CMYA5: variants seen among roughly 807,000 people sequenced by gnomAD.
CMYA5 encodes the protein cardiomyopathy-associated protein 5.
CMYA5 carries 246 observed loss-of-function variants against 318.9 expected under a neutral mutation model. The observed-to-expected ratio is 0.77, with a 90% CI of 0.70 to 0.86. CMYA5 has a LOEUF of 0.86. Among genes scored for constraint, CMYA5 ranks in the 40% least tolerant of loss-of-function variants. CMYA5 has a pLI of 0.00. For missense variants in CMYA5, 4,589 were observed against 4,678.2 expected, an observed-to-expected ratio of 0.98 and a Z score of 0.56; for synonymous variants, 1,641 against 1,729.5, an observed-to-expected ratio of 0.95 and a Z score of 1.27.
chr5:79,741,058 T>G (rs1828198966), intron 2 of CMYA5, among the ~76,000 whole-genome samples: 1 of 152,156 alleles, frequency 6.6e-6, no homozygotes, highest in African/African-American at 2.4e-5. Flanking sequence ...TAATTTTTTT[T>G]GTACAGACAG....
At chr5:79,777,610 T>TA (rs1370330505) in intron 9 of CMYA5, among the ~76,000 whole-genome samples, 3 of 150,078 alleles carry the variant, frequency 2.0e-5, no homozygotes, top group African/African-American at 2.5e-5. Context: ...CATCTCTACT[T>TA]AAAAAAATAC....
At chr5:79,720,267 A>C (rs6453476) in intron 1 of CMYA5, among the ~76,000 whole-genome samples, 68,674 of 151,790 alleles carry the variant, frequency 0.45, 16,600 homozygotes, top group African/African-American at 0.62. Context: ...CCACCAAATC[A>C]CAAAAACAGC....
rs564365646 is a variant in CMYA5 at position 79,791,488 on chromosome 5, AG to A, written c.11789+421del. Among the ~76,000 whole-genome samples, 394 of 152,238 alleles carry A rather than the reference AG, an allele frequency of 2.6e-3. 3 individuals carry two copies. The highest frequency in any genetic ancestry group is 3.8e-3 in the Non-Finnish European group (260 of 68,016). On this transcript the variant is annotated intron_variant, in intron 11 of 12. Coordinates refer to ENST00000446378, the MANE Select transcript of CMYA5 (RefSeq NM_153610.5). Reference sequence around the variant, plus strand: ...GTAATCCCAGCACTTTGGGAGGCCAAGGCAGGCAGATCATTTGAGTTCAGGA... The same window carrying A: ...GTAATCCCAGCACTTTGGGAGGCCAAGCAGGCAGATCATTTGAGTTCAGGA...
intron 1 of CMYA5, among the ~76,000 whole-genome samples, chr5:79,690,315 T>A (rs938577126): frequency 2.0e-5 from 3 of 152,196 alleles, no homozygotes; most frequent in African/African-American, 7.2e-5. Context: ...CCTGAGGATT[T>A]ACTTAGGTCC....
intron 2 of CMYA5, among the ~76,000 whole-genome samples, chr5:79,741,221 C>T (rs1828201699): frequency 6.6e-6 from 1 of 152,124 alleles, no homozygotes; most frequent in African/African-American, 2.4e-5. Context: ...TTTCTAACAG[C>T]TCTGTCACTG....
At chr5:79,745,564 G>A (rs1828306996) in intron 4 of CMYA5, 109 bp downstream of exon 4, 3 of 751,232 alleles carry the variant, frequency 4.0e-6, no homozygotes, top group Non-Finnish European at 4.4e-6. Flanking sequence ...CTCTGTGTGG[G>A]ATTTATATAA....
At position 79,736,218 on chromosome 5, in the gene CMYA5, C is replaced by A. The variant is rs747839414; in HGVS notation, c.7453C>A (p.Leu2485Ile). 1 of 1,613,418 alleles carries A rather than the reference C, an allele frequency of 6.2e-7. No individual in the cohort carries two copies. Residue 2485 changes from leucine (L) to isoleucine (I), a missense_variant, in exon 2 of 13, where the codon CTT becomes ATT. Physicochemically the swap from Leu to Ile is conservative, Grantham distance 5. Transcript: ENST00000446378. ...ACAAAACTCTGTGGCCCCATTAGAG[C>A]TTAGAGATAGTAATGAAATAGGGAA... is the stretch of plus-strand genomic sequence containing the variant. ...EKQNSVAPLE[L>I]RDSNEIGKTQ...
At chr5:79,745,047 C>T (rs1828289173) in intron 3 of CMYA5, among the ~76,000 whole-genome samples, 175 bp from the exon 4 acceptor site, 1 of 151,776 alleles carries the variant, frequency 6.6e-6, no homozygotes, top group Non-Finnish European at 1.5e-5. Context: ...TATTGCAAAA[C>T]TAACTGTGGG....
At position 79,735,562 on chromosome 5, in the gene CMYA5, C is replaced by T; in HGVS notation, c.6797C>T (p.Ser2266Phe). ...SGDGQNVKEKSMILSNVEDLQ... is the reference protein window; with the variant it reads ...SGDGQNVKEKFMILSNVEDLQ... ...GACGGTCAAAACGTTAAAGAAAAATCCATGATTTTATCAAATGTAGAAGAT... is the reference window on the plus strand; with the variant it reads ...GACGGTCAAAACGTTAAAGAAAAATTCATGATTTTATCAAATGTAGAAGAT... The change falls in exon 2 of 13, where the codon TCC (serine) becomes TTC (phenylalanine). Residue 2266 changes from serine to phenylalanine, a missense_variant. Physicochemically the swap from Ser to Phe is radical, Grantham distance 155. Around this residue, in one of 3 missense-constraint regions of CMYA5, gnomAD observed 2,431 missense variants for 2,495.1 expected, o/e 0.97. Coordinates refer to ENST00000446378, the MANE Select transcript of CMYA5 (RefSeq NM_153610.5). The T allele has an allele frequency of 6.2e-7, 1 of 1,613,158 alleles. No individual in the cohort carries two copies. Among genetic ancestry groups the T allele is most frequent in the Non-Finnish European group, 8.5e-7 (1 of 1,179,676 alleles).
chr5:79,728,345 T>C (rs1387492493), intron 1 of CMYA5, among the ~76,000 whole-genome samples: 2 of 150,102 alleles, frequency 1.3e-5, no homozygotes, highest in Admixed American at 6.6e-5. Context: ...TCTGTGGATA[T>C]GAAGAATTTG....
At chr5:79,705,153 T>A (rs952519287) in intron 1 of CMYA5, among the ~76,000 whole-genome samples, 1 of 152,094 alleles carries the variant, frequency 6.6e-6, no homozygotes, top group African/African-American at 2.4e-5. Flanking sequence ...ACGCCTGTAG[T>A]CCCAGCTACT....
intron 11 of CMYA5, among the ~76,000 whole-genome samples, chr5:79,792,236 G>A (rs1317749354): frequency 6.6e-6 from 1 of 152,194 alleles, no homozygotes; most frequent in Non-Finnish European, 1.5e-5. Context: ...TCAAGCAGCA[G>A]CCCTGTCTTG....
Position 79,732,708 on chromosome 5 carries a change from G to A in CMYA5, c.3943G>A (p.Val1315Met), listed in dbSNP as rs575279918. The A allele has an allele frequency of 3.7e-5, 59 of 1,613,584 alleles. No individual in the cohort carries two copies. The highest frequency in any genetic ancestry group is 4.6e-5 in the Non-Finnish European group (54 of 1,179,780). ...TTCCAAAATAACAACTACACCTATA[G>A]TGCTTCATTCAGCTTCCTCAGGAGT... ...HDSKITTTPI[V>M]LHSASSGVEK... The change falls in exon 2 of 13, where the codon GTG (valine) becomes ATG (methionine). Residue 1315 changes from valine (V) to methionine (M), a missense_variant. Physicochemically the swap from Val to Met is conservative, Grantham distance 21. This residue lies in a region of CMYA5 where 2,132 missense variants were observed against 2,131.3 expected (regional missense o/e 1.00). Transcript: ENST00000446378.
At chr5:79,693,572 GC>G (rs1486547160) in intron 1 of CMYA5, among the ~76,000 whole-genome samples, 2 of 151,948 alleles carry the variant, frequency 1.3e-5, no homozygotes, top group Non-Finnish European at 2.9e-5. Context: ...GAACTCCTTG[GC>G]CCAAGCAATC....
intron 12 of CMYA5, among the ~76,000 whole-genome samples, chr5:79,797,437 G>A (rs66682): frequency 0.29 from 43,654 of 152,092 alleles, 6,731 homozygotes; most frequent in East Asian, 0.55. Context: ...CACAATTGCA[G>A]TGACAAAGGC....
chr5:79,775,731 C>CA (rs1828927320), intron 9 of CMYA5, among the ~76,000 whole-genome samples: 1 of 152,106 alleles, frequency 6.6e-6, no homozygotes, highest in South Asian at 2.1e-4. Flanking sequence ...ACAAAAGCTG[C>CA]AAAAACGTTC....
At chr5:79,793,102 G>A (rs1033727519) in intron 11 of CMYA5, among the ~76,000 whole-genome samples, 11 of 152,206 alleles carry the variant, frequency 7.2e-5, no homozygotes, top group Admixed American at 4.6e-4. Flanking sequence ...ATGAAGAGAA[G>A]TCACCTTAAA....
rs950886915 is a variant in CMYA5, at chr5:79,793,601, A to G, written c.11954A>G (p.Glu3985Gly). 6.3e-7 allele frequency: 1 copy of G among 1,597,734 alleles called. No homozygotes were observed. The highest frequency in any genetic ancestry group is 8.6e-7 in the Non-Finnish European group (1 of 1,166,770). ...ACCTCATGGTACATGCACTGCTCTG[A>G]GCCACAGAGGTAAGCGAGCCCTTCC... Reference protein sequence around the residue: ...GETSWYMHCSEPQRYTFFYSG... With the variant: ...GETSWYMHCSGPQRYTFFYSG... The change falls in exon 12 of 13, where the codon GAG (glutamate) becomes GGG (glycine). Residue 3985 changes from glutamate to glycine, a missense_variant. By Grantham distance (98) the Glu-to-Gly change is moderately conservative. Transcript: ENST00000446378.
intron 1 of CMYA5, among the ~76,000 whole-genome samples, chr5:79,704,868 G>A (rs1218224469): frequency 6.6e-6 from 1 of 152,202 alleles, no homozygotes; most frequent in Non-Finnish European, 1.5e-5. Flanking sequence ...CCTATGAGAA[G>A]TCTCTATTTC....
Sources: gnomAD v4.1 joint callset for allele counts (sites outside exome capture counted in the v4.1 genomes callset) on GRCh38, gnomAD v4.1.1 for gene constraint, gnomAD v4.1.1 regional missense constraint, MANE v1.5 for transcripts, NCBI Gene and HGNC (gene_info 2026-07-23, HGNC 2026-07-21) for gene names.